PCDH9: variants seen among roughly 807,000 people sequenced by gnomAD.
PCDH9 encodes the protein protocadherin 9, also known as protocadherin-9.
In PCDH9, 24 loss-of-function variants were observed where a neutral mutation model predicts 70.6. That is an observed-to-expected ratio of 0.34 (90% CI 0.25 to 0.48). The LOEUF is 0.48. Ranked by LOEUF, PCDH9 falls within the 20% of genes least tolerant of loss-of-function variation. The pLI, the probability that PCDH9 is intolerant of heterozygous loss-of-function variation, is 0.99. For missense variants in PCDH9, 1,281 were observed against 1,503.6 expected, an observed-to-expected ratio of 0.85 and a Z score of 2.45; for synonymous variants, 562 against 558.5, an observed-to-expected ratio of 1.01 and a Z score of -0.09.
At chr13:67,041,357 T>A (rs1168301400) in intron 2 of PCDH9, among the ~76,000 whole-genome samples, 1 of 152,160 alleles carries the variant, frequency 6.6e-6, no homozygotes, top group Non-Finnish European at 1.5e-5. Flanking sequence ...AAACCATGGA[T>A]AAGGAGAAAC....
At chr13:67,094,757 A>G (rs933530295) in intron 2 of PCDH9, among the ~76,000 whole-genome samples, 2 of 151,998 alleles carry the variant, frequency 1.3e-5, no homozygotes, top group African/African-American at 4.8e-5. Context: ...TGAATCATGA[A>G]CCTTCTGTCC....
At chr13:66,686,584 G>A (rs9571624) in intron 3 of PCDH9, among the ~76,000 whole-genome samples, 48,759 of 152,048 alleles carry the variant, frequency 0.32, 8,557 homozygotes, top group East Asian at 0.51. Flanking sequence ...TAGAACAAAT[G>A]TTCTGCACTG....
Position 67,033,948 on chromosome 13 carries a change from G to A in PCDH9, c.3037-130343C>T, listed in dbSNP as rs189615729. 4.1e-4 allele frequency among the ~76,000 whole-genome samples: 63 copies of A among 152,196 alleles called. 1 individual carries two copies. The highest frequency in any genetic ancestry group is 2.3e-3 in the East Asian group (12 of 5,178). The stretch of plus-strand genomic sequence containing the variant: ...GAAATTCTTTTATAAGAAAATCACC[G>A]ATGAAACTTACAAACTTTAAAAGGA... On this transcript the variant is annotated intron_variant, in intron 2 of 4. Coordinates refer to ENST00000377865, the MANE Select transcript of PCDH9 (RefSeq NM_203487.3).
At chr13:66,372,928 CA>C (rs984301697) in intron 4 of PCDH9, among the ~76,000 whole-genome samples, 4 of 151,730 alleles carry the variant, frequency 2.6e-5, no homozygotes, top group African/African-American at 9.7e-5. Flanking sequence ...CTTCAAGAAA[CA>C]AAAAACTAAA....
intron 4 of PCDH9, among the ~76,000 whole-genome samples, chr13:66,625,709 G>A (rs762774005): frequency 1.4e-5 from 2 of 145,632 alleles, no homozygotes; most frequent in Non-Finnish European, 1.5e-5. Context: ...CACCCAGGCT[G>A]TAGTGCTGTG....
intron 4 of PCDH9, among the ~76,000 whole-genome samples, chr13:66,540,058 C>A (rs998956996): frequency 6.6e-6 from 1 of 151,288 alleles, no homozygotes; most frequent in Non-Finnish European, 1.5e-5. Context: ...TACTTTTTTG[C>A]AGAGACAGGG....
At chr13:66,905,956 T>G (rs2082353624) in intron 2 of PCDH9, among the ~76,000 whole-genome samples, 1 of 152,216 alleles carries the variant, frequency 6.6e-6, no homozygotes, top group East Asian at 1.9e-4. Context: ...TATAACTCAT[T>G]CATTCACTCA....
chr13:67,161,671 T>C (rs1286291782), intron 2 of PCDH9, among the ~76,000 whole-genome samples: 5 of 152,178 alleles, frequency 3.3e-5, no homozygotes, highest in Non-Finnish European at 5.9e-5. Flanking sequence ...ACTCACAGTG[T>C]ACAGAAGATA....
At chr13:66,669,246 T>A (rs1485257335) in intron 3 of PCDH9, among the ~76,000 whole-genome samples, 1 of 152,172 alleles carries the variant, frequency 6.6e-6, no homozygotes, top group Non-Finnish European at 1.5e-5. Flanking sequence ...CTAATTTCTA[T>A]CTCTCCATAT....
At chr13:67,143,924 T>G (rs1247148439) in intron 2 of PCDH9, among the ~76,000 whole-genome samples, 1 of 152,208 alleles carries the variant, frequency 6.6e-6, no homozygotes, top group Non-Finnish European at 1.5e-5. Context: ...AGGTGAGTCA[T>G]AAGCATTATG....
chr13:67,171,255 G>A (rs955088348), intron 2 of PCDH9, among the ~76,000 whole-genome samples: 2 of 152,114 alleles, frequency 1.3e-5, no homozygotes, highest in African/African-American at 4.8e-5. Context: ...GTTGAAAATA[G>A]GGTATCTACA....
chr13:66,980,457 T>C (rs1292779403), intron 2 of PCDH9, among the ~76,000 whole-genome samples: 6 of 152,164 alleles, frequency 3.9e-5, no homozygotes, highest in African/African-American at 1.2e-4. Flanking sequence ...GGCCAATTTC[T>C]ACAATTTCTA....
At chr13:67,224,875 G>C in intron 2 of PCDH9, 2 of 981,016 alleles carry the variant, frequency 2.0e-6, no homozygotes, top group Non-Finnish European at 2.4e-6. Context: ...ATCTATCAAC[G>C]ATCATGTGCT....
At chr13:66,522,036 CATA>C (rs1291967317) in intron 4 of PCDH9, among the ~76,000 whole-genome samples, 3 of 145,228 alleles carry the variant, frequency 2.1e-5, no homozygotes, top group African/African-American at 7.5e-5. Context: ...TGTATATATA[CATA>C]TATATATATA....
At chr13:66,388,830 T>G (rs1162703907) in intron 4 of PCDH9, among the ~76,000 whole-genome samples, 3 of 152,148 alleles carry the variant, frequency 2.0e-5, no homozygotes, top group African/African-American at 7.2e-5. Flanking sequence ...CTCACAAATA[T>G]GTAAAAATGT....
At chr13:66,961,007 CAT>C (rs2083336938) in intron 2 of PCDH9, among the ~76,000 whole-genome samples, 2 of 152,264 alleles carry the variant, frequency 1.3e-5, no homozygotes, top group South Asian at 4.1e-4. Flanking sequence ...TAAATATACA[CAT>C]ACTTTTGTGT....
intron 4 of PCDH9, among the ~76,000 whole-genome samples, chr13:66,390,357 C>T (rs1474633523): frequency 6.6e-6 from 1 of 152,070 alleles, no homozygotes; most frequent in Non-Finnish European, 1.5e-5. Context: ...AATTAGATCA[C>T]ATTCTCTACT....
intron 3 of PCDH9, among the ~76,000 whole-genome samples, chr13:66,705,806 C>T (rs1411949900): frequency 6.6e-6 from 1 of 151,994 alleles, no homozygotes; most frequent in African/African-American, 2.4e-5. Flanking sequence ...ATTCAATAAA[C>T]CATAAAAATA....
intron 3 of PCDH9, among the ~76,000 whole-genome samples, chr13:66,870,153 T>C (rs892493630): frequency 2.0e-5 from 3 of 152,184 alleles, no homozygotes; most frequent in African/African-American, 7.2e-5. Flanking sequence ...CTAGCCAGTT[T>C]TCCCAGCACC....
Sources: gnomAD v4.1 joint callset for allele counts (sites outside exome capture counted in the v4.1 genomes callset) on GRCh38, gnomAD v4.1.1 for gene constraint, MANE v1.5 for transcripts, NCBI Gene and HGNC (gene_info 2026-07-23, HGNC 2026-07-21) for gene names.